Variants in ADORA1 observed in about 807,000 individuals in gnomAD.
The protein encoded by ADORA1 is adenosine receptor A1.
Under a neutral mutation model 19.9 loss-of-function variants are expected in ADORA1, and 6 were observed. The observed-to-expected ratio is 0.30, with a 90% CI of 0.17 to 0.59. ADORA1 has a LOEUF of 0.59. Among genes scored for constraint, ADORA1 ranks in the 20% least tolerant of loss-of-function variants. The probability of loss-of-function intolerance (pLI) is 0.87; values close to 1 mark genes in which losing one functional copy is unlikely to be tolerated. For missense variants in ADORA1, 302 were observed against 439.2 expected (o/e 0.69, Z 2.79); for synonymous variants, 194 against 188.4 (o/e 1.03, Z -0.24).
At chr1:203,145,905 C>T (rs548540800) in intron 3 of ADORA1, among the ~76,000 whole-genome samples, 2 of 152,104 alleles carry the variant, frequency 1.3e-5, no homozygotes, top group African/African-American at 4.8e-5. Context: ...ATTTGGCAAA[C>T]CCGGCCTTGG....
chr1:203,145,291 C>T (rs3753474), intron 3 of ADORA1, among the ~76,000 whole-genome samples: 83,127 of 152,166 alleles, frequency 0.55, 27,455 homozygotes, highest in Non-Finnish European at 0.75. Context: ...AGTGATCCCC[C>T]AATCTGCCCA....
intron 3 of ADORA1, among the ~76,000 whole-genome samples, chr1:203,147,155 C>A (rs945109218): frequency 1.3e-5 from 2 of 152,222 alleles, no homozygotes; most frequent in African/African-American, 2.4e-5. Context: ...AACCACAGAA[C>A]CTGCTCTTCT....
At chr1:203,141,411 G>A (rs1363781629) in intron 3 of ADORA1, among the ~76,000 whole-genome samples, 1 of 152,076 alleles carries the variant, frequency 6.6e-6, no homozygotes, top group Admixed American at 6.5e-5. Context: ...CAGGGGCTGG[G>A]ACTCCAGCAT....
chr1:203,143,610 A>G (rs1328569905), intron 3 of ADORA1, among the ~76,000 whole-genome samples: 2 of 152,210 alleles, frequency 1.3e-5, no homozygotes, highest in Non-Finnish European at 1.5e-5. Context: ...AAGTCAAAAA[A>G]TAATATTCTT....
chr1:203,137,269 T>A (rs972221874), intron 3 of ADORA1, among the ~76,000 whole-genome samples: 1 of 152,176 alleles, frequency 6.6e-6, no homozygotes, highest in Non-Finnish European at 1.5e-5. Context: ...AGCATAGGAA[T>A]GTACCTGAAG....
At chr1:203,136,414 C>A (rs1160146050) in intron 3 of ADORA1, among the ~76,000 whole-genome samples, 5 of 152,162 alleles carry the variant, frequency 3.3e-5, no homozygotes, top group Non-Finnish European at 5.9e-5. Context: ...TATTCCCCAG[C>A]AGAACTGCAG....
chr1:203,159,526 G>A (rs1054423569), intron 3 of ADORA1, among the ~76,000 whole-genome samples: 9 of 152,124 alleles, frequency 5.9e-5, no homozygotes, highest in African/African-American at 1.9e-4. Context: ...TGGCTGGCTC[G>A]TTGGTGGTCC....
chr1:203,160,222 G>A (rs1391416185), intron 3 of ADORA1, among the ~76,000 whole-genome samples: 1 of 152,228 alleles, frequency 6.6e-6, no homozygotes, highest in Non-Finnish European at 1.5e-5. Flanking sequence ...ATTAGGAATT[G>A]AGAATAATGA....
intron 3 of ADORA1, chr1:203,150,581 A>C: frequency 3.9e-6 from 5 of 1,274,518 alleles, no homozygotes; most frequent in Non-Finnish European, 5.1e-6. Flanking sequence ...CCTGGTTGCA[A>C]GGTGGGGAGA....
intron 3 of ADORA1, among the ~76,000 whole-genome samples, chr1:203,144,035 T>C (rs559299090): frequency 6.7e-6 from 1 of 148,956 alleles, no homozygotes; most frequent in South Asian, 2.1e-4. Flanking sequence ...GTCTAGGAGT[T>C]ACGGAAAATG....
rs1303681408 is a variant in ADORA1 at position 203,128,880 on chromosome 1, C to A, written c.39C>A (p.Ile13=). 1 of 1,610,164 alleles carries A rather than the reference C, an allele frequency of 6.2e-7. No homozygotes were observed. The highest frequency in any genetic ancestry group is 1.3e-5 in the African/African-American group (1 of 75,040). ...TCTCAGCTTTCCAGGCCGCCTACAT[C>A]GGCATCGAGGTGCTCATCGCCCTGG... ...PSISAFQAAY[I]GIEVLIALVS... Residue 13 remains isoleucine, a synonymous_variant, in exon 3 of 4, where the codon ATC becomes ATA. Coordinates refer to ENST00000337894, the MANE Select transcript of ADORA1 (RefSeq NM_000674.3). This position sits in a 1 kb window ranked among gnomAD's most constrained non-coding sequence, Gnocchi z 5.9.
intron 3 of ADORA1, among the ~76,000 whole-genome samples, chr1:203,144,510 T>C (rs955956101): frequency 1.3e-5 from 2 of 152,216 alleles, no homozygotes; most frequent in South Asian, 4.1e-4. Context: ...TTAAATAATA[T>C]ATCCCCATTT....
chr1:203,129,127 C>G lies in ADORA1; in HGVS notation c.286C>G (p.Leu96Val). The change falls in exon 3 of 4, where the codon CTG becomes GTG. Residue 96 changes from leucine to valine, a missense_variant. Leu to Val is a conservative substitution (Grantham distance 32). Transcript: ENST00000337894. ...CCTCATCCTCACCCAGAGCTCCATC[C>G]TGGCCCTGCTGGCAATTGCTGTGGA... is the stretch of plus-strand genomic sequence containing the variant. ...PVLILTQSSI[L>V]ALLAIAVDRY... The G allele has an allele frequency of 6.2e-7, 1 of 1,614,154 alleles. No individual in the cohort carries two copies.
Position 203,166,102 on chromosome 1 carries a change from G to T in ADORA1, c.*202G>T. 1 of 617,782 alleles carries T rather than the reference G, an allele frequency of 1.6e-6. No individual in the cohort carries two copies. Among genetic ancestry groups the T allele is most frequent in the Non-Finnish European group, 2.5e-6 (1 of 407,088 alleles). 38.3% of individuals were successfully genotyped at this position (617,782 alleles called of 1,614,324 possible). On this transcript the variant is annotated 3_prime_UTR_variant, in exon 4 of 4. Coordinates refer to ENST00000337894, the MANE Select transcript of ADORA1 (RefSeq NM_000674.3). ...CCTACACCTCTGGGCCCTGCAGGAG[G>T]CCTGGGAGGGCAAGGGTCCTACGGA... is the stretch of plus-strand genomic sequence containing the variant.
chr1:203,160,244 T>A (rs990237931), intron 3 of ADORA1, among the ~76,000 whole-genome samples: 1 of 152,222 alleles, frequency 6.6e-6, no homozygotes, highest in Admixed American at 6.5e-5. Flanking sequence ...ACAGGTTGAG[T>A]ATCCCTTATC....
intron 3 of ADORA1, among the ~76,000 whole-genome samples, chr1:203,130,903 G>A (rs750872433): frequency 3.3e-5 from 5 of 152,198 alleles, no homozygotes; most frequent in Non-Finnish European, 5.9e-5. Flanking sequence ...TCCTTTGAGG[G>A]TGGAGGCAGG....
At chr1:203,147,730 C>T (rs773335638) in intron 3 of ADORA1, among the ~76,000 whole-genome samples, 3 of 152,188 alleles carry the variant, frequency 2.0e-5, no homozygotes, top group Non-Finnish European at 4.4e-5. Flanking sequence ...ACCACAGTCC[C>T]TGTCCTCAGT....
chr1:203,136,498 G>A (rs929403263), intron 3 of ADORA1, among the ~76,000 whole-genome samples: 2 of 152,228 alleles, frequency 1.3e-5, no homozygotes, highest in Admixed American at 6.5e-5. Context: ...CCTGCTATAT[G>A]TCAGGCACTT....
chr1:203,131,929 C>T (rs989288252), intron 3 of ADORA1, among the ~76,000 whole-genome samples: 7 of 152,198 alleles, frequency 4.6e-5, no homozygotes, highest in Admixed American at 1.3e-4. Flanking sequence ...CACAGAGAGT[C>T]GTACTGACCG....
Sources: allele counts gnomAD v4.1 joint callset (sites outside exome capture counted in the v4.1 genomes callset), GRCh38; gene constraint gnomAD v4.1.1; non-coding constraint Gnocchi (gnomAD v3.1); transcripts MANE v1.5; gene names NCBI Gene and HGNC (gene_info 2026-07-23, HGNC 2026-07-21).